NRG3: variants seen among roughly 807,000 people sequenced by gnomAD.
The protein encoded by NRG3 is neuregulin 3.
NRG3 carries 31 observed loss-of-function variants against 66.9 expected under a neutral mutation model. The ratio of observed to expected loss-of-function variants is 0.46; its 90% CI spans 0.35 to 0.63. NRG3 has a LOEUF of 0.63. Among genes scored for constraint, NRG3 ranks in the 20% least tolerant of loss-of-function variants. NRG3 has a pLI of 0.00. For missense variants in NRG3, 910 were observed against 878.9 expected (o/e 1.04, Z -0.45); for synonymous variants, 393 against 359.4 (o/e 1.09, Z -1.06).
chr10:82,467,963 A>G (rs931956325), intron 2 of NRG3, among the ~76,000 whole-genome samples: 3 of 152,070 alleles, frequency 2.0e-5, no homozygotes, highest in African/African-American at 7.2e-5. Flanking sequence ...CATAACTGTT[A>G]TATGATCACA....
intron 1 of NRG3, among the ~76,000 whole-genome samples, chr10:82,256,905 C>T (rs949652404): frequency 6.6e-6 from 1 of 152,122 alleles, no homozygotes; most frequent in African/African-American, 2.4e-5. Context: ...TTTCTACTCT[C>T]TAGGAAATGA....
chr10:82,692,539 G>A (rs1173897262), intron 2 of NRG3, among the ~76,000 whole-genome samples: 1 of 152,218 alleles, frequency 6.6e-6, no homozygotes, highest in Non-Finnish European at 1.5e-5. Flanking sequence ...TCTCAGCAAA[G>A]AGAGGAGGTC....
intron 1 of NRG3, among the ~76,000 whole-genome samples, chr10:82,305,127 T>G (rs1362567117): frequency 1.3e-5 from 2 of 150,980 alleles, no homozygotes; most frequent in Non-Finnish European, 2.9e-5. Context: ...CCCGAGTAGC[T>G]GGGACTACAG....
At chr10:82,671,546 G>GT (rs1186678926) in intron 2 of NRG3, among the ~76,000 whole-genome samples, 4 of 152,180 alleles carry the variant, frequency 2.6e-5, no homozygotes, top group African/African-American at 9.6e-5. Context: ...GCTGAACAGG[G>GT]TGCAGAGCTT....
intron 1 of NRG3, among the ~76,000 whole-genome samples, chr10:81,910,811 C>T (rs1247365491): frequency 6.6e-6 from 1 of 151,828 alleles, no homozygotes; most frequent in Non-Finnish European, 1.5e-5. Context: ...GCCACCATGC[C>T]CAGCTAATTT....
chr10:82,408,115 G>GAAAA (rs1165458434), intron 2 of NRG3, among the ~76,000 whole-genome samples: 1 of 139,278 alleles, frequency 7.2e-6, no homozygotes, highest in African/African-American at 2.7e-5. Flanking sequence ...AAGAAAGAAA[G>GAAAA]AAAGAAAGAA....
At chr10:82,503,900 T>G (rs1047852898) in intron 2 of NRG3, among the ~76,000 whole-genome samples, 2 of 152,052 alleles carry the variant, frequency 1.3e-5, no homozygotes, top group Admixed American at 1.3e-4. Context: ...TGTAGTGGGG[T>G]GTACTTTAAA....
At chr10:82,263,204 G>C (rs2078122272) in intron 1 of NRG3, among the ~76,000 whole-genome samples, 2 of 152,058 alleles carry the variant, frequency 1.3e-5, no homozygotes, top group Non-Finnish European at 2.9e-5. Context: ...CAGTGGGAAA[G>C]AAAGATGTGG....
intron 2 of NRG3, among the ~76,000 whole-genome samples, chr10:82,657,637 T>C (rs1003041732): frequency 1.3e-5 from 2 of 151,812 alleles, no homozygotes; most frequent in Non-Finnish European, 2.9e-5. Flanking sequence ...GGCTAACACT[T>C]GTGCAAGAAA....
intron 4 of NRG3, among the ~76,000 whole-genome samples, chr10:82,934,027 A>G (rs1441804913): frequency 6.6e-6 from 1 of 152,164 alleles, no homozygotes; most frequent in Non-Finnish European, 1.5e-5. Flanking sequence ...GTGCTCGGGC[A>G]ATTTATTTTC....
intron 3 of NRG3, among the ~76,000 whole-genome samples, chr10:82,774,735 AT>A (rs771657614): frequency 8.4e-6 from 1 of 118,594 alleles, no homozygotes; most frequent in Non-Finnish European, 1.9e-5. Context: ...GGTTTTATTG[AT>A]TTTTTTGTTT....
chr10:82,887,326 G>A (rs1397475882), intron 4 of NRG3, among the ~76,000 whole-genome samples: 1 of 152,168 alleles, frequency 6.6e-6, no homozygotes, highest in Non-Finnish European at 1.5e-5. Context: ...CTCTTACCTA[G>A]ATGACATTTA....
At chr10:82,472,830 C>G (rs1437385793) in intron 2 of NRG3, among the ~76,000 whole-genome samples, 2 of 152,056 alleles carry the variant, frequency 1.3e-5, no homozygotes, top group Non-Finnish European at 2.9e-5. Flanking sequence ...TTTGATTTTT[C>G]TTATTCTTGA....
In NRG3 at chr10:82,015,875, T is replaced by C. The variant is rs1259612960; in HGVS notation, c.823+139712T>C. Among the ~76,000 whole-genome samples, 5 of 151,768 alleles carry C rather than the reference T, an allele frequency of 3.3e-5. No individual in the cohort carries two copies. In the East Asian group the frequency reaches 9.7e-4, roughly 29 times the overall value. Reference sequence around the variant, plus strand: ...AATAATACCTACATCATAGAAGTTATAGTGTATTAAAAATAGCACATGTAA... The same window carrying C: ...AATAATACCTACATCATAGAAGTTACAGTGTATTAAAAATAGCACATGTAA... On this transcript the variant is annotated intron_variant, in intron 1 of 8. Transcript: ENST00000372141.
chr10:82,469,521 A>C (rs573107202), intron 2 of NRG3, among the ~76,000 whole-genome samples: 23 of 151,576 alleles, frequency 1.5e-4, no homozygotes, highest in Middle Eastern at 6.8e-3. Flanking sequence ...TCTGATGAGG[A>C]ATGTGCATGA....
At chr10:82,200,056 T>TA (rs974236361) in intron 1 of NRG3, among the ~76,000 whole-genome samples, 3 of 152,174 alleles carry the variant, frequency 2.0e-5, no homozygotes, top group African/African-American at 7.2e-5. Context: ...TCATAAGGGT[T>TA]AAAGTCACTC....
At chr10:82,134,145 A>G (rs2069147662) in intron 1 of NRG3, among the ~76,000 whole-genome samples, 1 of 152,062 alleles carries the variant, frequency 6.6e-6, no homozygotes. Flanking sequence ...AATTCTTTAT[A>G]GGTGCTGGAT....
intron 1 of NRG3, among the ~76,000 whole-genome samples, chr10:82,169,819 T>G (rs1450911455): frequency 6.6e-6 from 1 of 151,870 alleles, no homozygotes; most frequent in African/African-American, 2.4e-5. Flanking sequence ...ATTATTCTGT[T>G]TTTTCTGAGT....
At chr10:82,321,123 G>GC (rs994078653) in intron 1 of NRG3, among the ~76,000 whole-genome samples, 1 of 152,184 alleles carries the variant, frequency 6.6e-6, no homozygotes, top group African/African-American at 2.4e-5. Context: ...ACTGTAACAT[G>GC]CCCCCTGGGG....
Sources: gnomAD v4.1 joint callset for allele counts (sites outside exome capture counted in the v4.1 genomes callset) on GRCh38, gnomAD v4.1.1 for gene constraint, MANE v1.5 for transcripts, NCBI Gene and HGNC (gene_info 2026-07-23, HGNC 2026-07-21) for gene names.